GALNT13: variants seen among roughly 807,000 people sequenced by gnomAD.
GALNT13 encodes the protein UDP-GalNAc:polypeptide N-acetylgalactosaminyltransferase 13.
GALNT13 carries 28 observed loss-of-function variants against 64.2 expected under a neutral mutation model. The observed-to-expected ratio is 0.44, with a 90% CI of 0.32 to 0.60. The LOEUF (loss-of-function observed/expected upper bound fraction) is 0.60. Ranked by LOEUF, GALNT13 falls within the 20% of genes least tolerant of loss-of-function variation. GALNT13 has a pLI of 0.05. For synonymous variants in GALNT13, 214 were observed against 224.6 expected (o/e 0.95, Z 0.42); for missense variants, 577 against 669.8 (o/e 0.86, Z 1.53).
chr2:153,783,945 A>G, the GALNT13 span, among the ~76,000 whole-genome samples: 1 of 152,150 alleles, frequency 6.6e-6, no homozygotes, highest in African/African-American at 2.4e-5. Flanking sequence ...GCAGCATGAG[A>G]AGTGACTCAT....
the GALNT13 span, among the ~76,000 whole-genome samples, chr2:153,456,910 G>A: frequency 6.6e-6 from 1 of 152,182 alleles, no homozygotes; most frequent in Non-Finnish European, 1.5e-5. Context: ...TGAATGCAAA[G>A]GATCAGTTGT....
chr2:154,310,982 A>G (rs901926391), intron 9 of GALNT13, among the ~76,000 whole-genome samples: 10 of 152,006 alleles, frequency 6.6e-5, no homozygotes, highest in African/African-American at 2.4e-4. Flanking sequence ...ATATTCATAG[A>G]ATATTCTATG....
chr2:153,924,469 A>G (rs1689977191), intron 2 of GALNT13, among the ~76,000 whole-genome samples: 1 of 152,152 alleles, frequency 6.6e-6, no homozygotes, highest in Non-Finnish European at 1.5e-5. Context: ...GTTGATAGAC[A>G]TTTAGATTGA....
intron 11 of GALNT13, among the ~76,000 whole-genome samples, chr2:154,423,500 A>G (rs1036322739): frequency 6.6e-6 from 1 of 152,224 alleles, no homozygotes; most frequent in African/African-American, 2.4e-5. Flanking sequence ...GTCTTCTACA[A>G]TGACTGAACT....
chr2:153,248,332 A>G, the GALNT13 span, among the ~76,000 whole-genome samples: 2 of 152,162 alleles, frequency 1.3e-5, no homozygotes, highest in Non-Finnish European at 2.9e-5. Flanking sequence ...TGACAAACCA[A>G]ATCCAGCAGC....
intron 2 of GALNT13, among the ~76,000 whole-genome samples, chr2:153,911,862 A>T (rs1688963662): frequency 6.6e-6 from 1 of 151,814 alleles, no homozygotes; most frequent in Non-Finnish European, 1.5e-5. Flanking sequence ...AGCCTTGGAG[A>T]ATATGATGAT....
chr2:153,561,247 T>C, the GALNT13 span, among the ~76,000 whole-genome samples: 1 of 152,034 alleles, frequency 6.6e-6, no homozygotes, highest in South Asian at 2.1e-4. Flanking sequence ...TCTTATGCTA[T>C]ATATATATGA....
At chr2:153,142,874 A>G in the GALNT13 span, among the ~76,000 whole-genome samples, 2 of 151,956 alleles carry the variant, frequency 1.3e-5, no homozygotes, top group Non-Finnish European at 2.9e-5. Context: ...TTAGAACTGG[A>G]AGGAATGATG....
intron 10 of GALNT13, among the ~76,000 whole-genome samples, chr2:154,403,052 C>T (rs1171968651): frequency 7.2e-5 from 11 of 152,090 alleles, no homozygotes; most frequent in Non-Finnish European, 1.2e-4. Flanking sequence ...CAGATGCCTA[C>T]AGGGTTGGGC....
chr2:153,436,018 T>C, the GALNT13 span, among the ~76,000 whole-genome samples: 31 of 152,330 alleles, frequency 2.0e-4, no homozygotes, highest in East Asian at 5.6e-3. Context: ...ACCTAATTTG[T>C]TGAGAGTTTT....
At chr2:153,863,477 C>A in the GALNT13 span, among the ~76,000 whole-genome samples, 252 of 152,088 alleles carry the variant, frequency 1.7e-3, 4 homozygotes, top group Non-Finnish European at 1.8e-4. Flanking sequence ...AGTAAAGCCT[C>A]AAACAACTAA....
intron 7 of GALNT13, among the ~76,000 whole-genome samples, chr2:154,252,702 A>G (rs1690138830): frequency 6.6e-6 from 1 of 151,096 alleles, no homozygotes. Context: ...TTTGCTGTAT[A>G]AGGTATATGG....
chr2:153,541,538 G>A, the GALNT13 span, among the ~76,000 whole-genome samples: 1 of 152,256 alleles, frequency 6.6e-6, no homozygotes, highest in South Asian at 2.1e-4. Context: ...CCCAAAGCCA[G>A]TCATAAAACC....
intron 8 of GALNT13, among the ~76,000 whole-genome samples, chr2:154,299,194 G>T (rs1385811265): frequency 1.3e-5 from 2 of 151,156 alleles, no homozygotes; most frequent in Admixed American, 1.3e-4. Flanking sequence ...AAGGTATTAT[G>T]CAAAGATAGG....
rs559749990 is a variant in GALNT13 at position 154,291,953 on chromosome 2, G to A, written c.976-9456G>A. On this transcript the variant is annotated intron_variant, in intron 8 of 12. Coordinates refer to ENST00000392825, the MANE Select transcript of GALNT13 (RefSeq NM_052917.4). ...TGGTTCATCAAGCATGGTGATTGAA[G>A]AGCCGAGCCCTCTGTAAAGACTGCA... is the stretch of plus-strand genomic sequence containing the variant. 4.6e-5 allele frequency among the ~76,000 whole-genome samples: 7 copies of A among 152,340 alleles called. 1 individual carries two copies. In the South Asian group the frequency reaches 1.0e-3, roughly 23 times the overall value.
At chr2:153,289,542 C>A in the GALNT13 span, among the ~76,000 whole-genome samples, 1 of 152,164 alleles carries the variant, frequency 6.6e-6, no homozygotes, top group Non-Finnish European at 1.5e-5. Flanking sequence ...GTTTCTACTG[C>A]TTTCCTTGGT....
At chr2:153,256,498 C>A in the GALNT13 span, among the ~76,000 whole-genome samples, 1 of 152,178 alleles carries the variant, frequency 6.6e-6, no homozygotes, top group Admixed American at 6.5e-5. Flanking sequence ...AGCTTTGTTC[C>A]GTTGCTGGTG....
intron 3 of GALNT13, among the ~76,000 whole-genome samples, chr2:154,034,878 T>G (rs1169740480): frequency 3.3e-5 from 5 of 152,022 alleles, no homozygotes; most frequent in Non-Finnish European, 2.9e-5. Flanking sequence ...CTTACACCAG[T>G]CAAAATGGCT....
chr2:153,932,260 T>A, intron 2 of GALNT13, among the ~76,000 whole-genome samples: 1 of 152,002 alleles, frequency 6.6e-6, no homozygotes, highest in East Asian at 1.9e-4. Flanking sequence ...TGATCTCTTC[T>A]ATGGTTTTTC....
Sources: gnomAD v4.1 joint callset for allele counts (sites outside exome capture counted in the v4.1 genomes callset) on GRCh38, gnomAD v4.1.1 for gene constraint, MANE v1.5 for transcripts, NCBI Gene and HGNC (gene_info 2026-07-23, HGNC 2026-07-21) for gene names.